Variants in ZBED4 observed in about 807,000 individuals in gnomAD.
ZBED4 encodes the protein zinc finger BED domain-containing protein 4.
A neutral mutation model predicts 15.5 loss-of-function variants in ZBED4; 4 were observed. The ratio of observed to expected loss-of-function variants is 0.26; its 90% CI spans 0.13 to 0.59. The LOEUF (loss-of-function observed/expected upper bound fraction) is 0.59. Among genes scored for constraint, ZBED4 ranks in the 20% least tolerant of loss-of-function variants. The pLI, the probability that ZBED4 is intolerant of heterozygous loss-of-function variation, is 0.90. For missense variants in ZBED4, 1,323 were observed against 1,461.8 expected (o/e 0.91, Z 1.55); for synonymous variants, 692 against 608.5 (o/e 1.14, Z -2.02).
At position 49,877,429 on chromosome 22, in the gene ZBED4, T is replaced by C. The variant is rs546893760; in HGVS notation, c.-329-5905T>C. On this transcript the variant is annotated intron_variant, in intron 1 of 1. Transcript: ENST00000216268. ...GCCTCAGCCTCCCAAGTAGCTATTATTACAGATATGTACCACCACACCTGG... is the reference window on the plus strand; with the variant it reads ...GCCTCAGCCTCCCAAGTAGCTATTACTACAGATATGTACCACCACACCTGG... 3.5e-4 allele frequency among the ~76,000 whole-genome samples: 54 copies of C among 152,150 alleles called. No homozygotes were observed. In the South Asian group the frequency reaches 9.1e-3, roughly 26 times the overall value.
In ZBED4 at chr22:49,885,704, T is replaced by C; in HGVS notation, c.2042T>C (p.Phe681Ser). 6.2e-7 allele frequency: 1 copy of C among 1,609,006 alleles called. No individual in the cohort carries two copies. The highest frequency in any genetic ancestry group is 8.5e-7 in the Non-Finnish European group (1 of 1,175,840). ...TATTCTTTTGTAGACAACGTTGGCT[T>C]TAACAGGCTGCTTGAATACTTGAAA... Reference protein sequence around the residue: ...QPYSFVDNVGFNRLLEYLKPQ... With the variant: ...QPYSFVDNVGSNRLLEYLKPQ... The change falls in exon 2 of 2, where the codon TTT (phenylalanine) becomes TCT (serine). Residue 681 changes from phenylalanine to serine, a missense_variant. Phe to Ser is a radical substitution (Grantham distance 155, BLOSUM62 -2). This residue lies in a region of ZBED4 where 89 missense variants were observed against 129.8 expected (regional missense o/e 0.69). Transcript: ENST00000216268.
Position 49,884,228 on chromosome 22 carries a change from T to A in ZBED4, c.566T>A (p.Leu189His), listed in dbSNP as rs778933183. Residue 189 changes from leucine to histidine, a missense_variant, in exon 2 of 2, where the codon CTT becomes CAT. Physicochemically the swap from Leu to His is moderately conservative, Grantham distance 99. Transcript: ENST00000216268. ...VSSFPSPSLL[L>H]PPQPADAGDL... is the part of the protein sequence containing the mutation. ...TCGTTCCCCTCTCCCTCACTCCTGC[T>A]TCCACCACAGCCTGCGGACGCGGGT... 4 of 1,602,726 alleles carry A rather than the reference T, an allele frequency of 2.5e-6. No homozygotes were observed. The South Asian group carries it at 4.5e-5, about 18-fold the overall frequency.
chr22:49,856,540 G>T (rs1416542981), intron 1 of ZBED4, among the ~76,000 whole-genome samples: 1 of 152,230 alleles, frequency 6.6e-6, no homozygotes, highest in Non-Finnish European at 1.5e-5. Context: ...CCTCCTGCCC[G>T]GCCCAAGCGC....
At chr22:49,869,922 C>T (rs905328985) in intron 1 of ZBED4, among the ~76,000 whole-genome samples, 2 of 152,198 alleles carry the variant, frequency 1.3e-5, no homozygotes, top group Non-Finnish European at 2.9e-5. Flanking sequence ...AGATCGTGAG[C>T]ATGGTACTCA....
intron 1 of ZBED4, among the ~76,000 whole-genome samples, chr22:49,864,585 G>A (rs2060311356): frequency 6.6e-6 from 1 of 152,176 alleles, no homozygotes. Context: ...GGGAGGTTGA[G>A]GTGGGAGGAT....
rs1332407140 is a variant in ZBED4, at chr22:49,889,839, C to T, written c.*2661C>T. 1.2e-5 allele frequency: 2 copies of T among 167,046 alleles called. No individual in the cohort carries two copies. Among genetic ancestry groups the T allele is most frequent in the African/African-American group, 2.4e-5 (1 of 41,440 alleles). The allele number at this position is 167,046 out of a possible 1,614,324, so 10.3% of individuals were successfully genotyped here. ...TTGATTCTTAGCCATTCCCACCTTGCCTCTCCGTTCAGAACCCCAGCTGCG... is the reference window on the plus strand; with the variant it reads ...TTGATTCTTAGCCATTCCCACCTTGTCTCTCCGTTCAGAACCCCAGCTGCG... On this transcript the variant is annotated 3_prime_UTR_variant, in exon 2 of 2. Coordinates refer to ENST00000216268, the MANE Select transcript of ZBED4 (RefSeq NM_014838.3).
chr22:49,856,461 G>C (rs1307845903), intron 1 of ZBED4, among the ~76,000 whole-genome samples: 1 of 152,222 alleles, frequency 6.6e-6, no homozygotes, highest in East Asian at 1.9e-4. Context: ...GTCTGGGGGC[G>C]ATGGCGGAAG....
intron 1 of ZBED4, among the ~76,000 whole-genome samples, chr22:49,878,951 T>G (rs192227188): frequency 6.6e-6 from 1 of 151,756 alleles, no homozygotes; most frequent in African/African-American, 2.4e-5. Context: ...GAGACCATCG[T>G]GGCCAACATG....
chr22:49,860,251 A>G (rs533316057), intron 1 of ZBED4, among the ~76,000 whole-genome samples: 14 of 152,304 alleles, frequency 9.2e-5, no homozygotes, highest in African/African-American at 2.6e-4. Flanking sequence ...GTAAGCTGCA[A>G]TGACGTCACT....
intron 1 of ZBED4, among the ~76,000 whole-genome samples, chr22:49,882,539 C>T (rs1036275049): frequency 1.3e-5 from 2 of 152,230 alleles, no homozygotes; most frequent in South Asian, 4.1e-4. Flanking sequence ...ACTGCTCCAT[C>T]TCCTACCCCA....
Position 49,887,194 on chromosome 22 carries a change from C to T in ZBED4, c.*16C>T, listed in dbSNP as rs1301509919. 8.2e-6 allele frequency: 13 copies of T among 1,593,184 alleles called. No individual in the cohort carries two copies. The South Asian group carries it at 1.0e-4, about 13-fold the overall frequency. ...TCAGTATTGAAACTCACGACGGCAC[C>T]ACTAGGCCAGAGGCGTGGCTGCCCC... On this transcript the variant is annotated 3_prime_UTR_variant, in exon 2 of 2. Coordinates refer to ENST00000216268, the MANE Select transcript of ZBED4 (RefSeq NM_014838.3).
intron 1 of ZBED4, among the ~76,000 whole-genome samples, chr22:49,873,302 C>G (rs968622816): frequency 6.6e-6 from 1 of 152,160 alleles, no homozygotes. Context: ...GAGGATTAAT[C>G]GGCCTAATTC....
chr22:49,887,284 A>G lies in ZBED4; in HGVS notation c.*106A>G, dbSNP rs2060445591. On this transcript the variant is annotated 3_prime_UTR_variant, in exon 2 of 2. Transcript: ENST00000216268. ...CCACGGCTGTGTACGACATCAGACC[A>G]GGCACTCTCAGGGCCGCTCTCCAGC... The G allele has an allele frequency of 3.3e-6, 4 of 1,205,662 alleles. No homozygotes were observed. Among genetic ancestry groups the G allele is most frequent in the Non-Finnish European group, 3.5e-6 (3 of 861,874 alleles). 74.7% of individuals were successfully genotyped at this position (1,205,662 alleles called of 1,614,324 possible).
intron 1 of ZBED4, among the ~76,000 whole-genome samples, chr22:49,858,543 G>A (rs190611667): frequency 8.5e-5 from 13 of 152,242 alleles, no homozygotes; most frequent in Non-Finnish European, 1.5e-4. Flanking sequence ...GCACTCCTAC[G>A]TCCCTTGCCC....
intron 1 of ZBED4, among the ~76,000 whole-genome samples, chr22:49,859,693 T>C (rs1394951357): frequency 6.6e-6 from 1 of 152,258 alleles, no homozygotes; most frequent in African/African-American, 2.4e-5. Context: ...GTTCAGTCAA[T>C]TTGAATTATA....
At chr22:49,878,988 CA>C (rs2060392844) in intron 1 of ZBED4, among the ~76,000 whole-genome samples, 1 of 150,962 alleles carries the variant, frequency 6.6e-6, no homozygotes, top group Admixed American at 6.6e-5. Flanking sequence ...ACTAAAAATA[CA>C]AAAAAATTAG....
At position 49,885,424 on chromosome 22, in the gene ZBED4, C is replaced by G; in HGVS notation, c.1762C>G (p.Arg588Gly). The G allele has an allele frequency of 1.9e-6, 3 of 1,608,608 alleles. No homozygotes were observed. The highest frequency in any genetic ancestry group is 2.6e-6 in the Non-Finnish European group (3 of 1,175,426). The change falls in exon 2 of 2, where the codon CGG becomes GGG. Residue 588 changes from arginine to glycine, a missense_variant. Arg to Gly is a moderately radical substitution (Grantham distance 125). This residue lies in a region of ZBED4 where 429 missense variants were observed against 397.9 expected (regional missense o/e 1.08). Coordinates refer to ENST00000216268, the MANE Select transcript of ZBED4 (RefSeq NM_014838.3). ...VCLHCGRTISRGKKPTNLGTS... is the reference protein window; with the variant it reads ...VCLHCGRTISGGKKPTNLGTS... Reference sequence around the variant, plus strand: ...CTTGCACTGTGGCCGGACCATCAGCCGGGGGAAGAAGCCGACTAACTTGGG... The same window carrying G: ...CTTGCACTGTGGCCGGACCATCAGCGGGGGGAAGAAGCCGACTAACTTGGG...
At chr22:49,880,919 T>G (rs2060405854) in intron 1 of ZBED4, among the ~76,000 whole-genome samples, 1 of 152,254 alleles carries the variant, frequency 6.6e-6, no homozygotes, top group Non-Finnish European at 1.5e-5. Context: ...TTTGCAGCTT[T>G]CAGTATACAG....
chr22:49,855,837 C>G (rs1201630430), intron 1 of ZBED4, among the ~76,000 whole-genome samples: 1 of 152,200 alleles, frequency 6.6e-6, no homozygotes, highest in African/African-American at 2.4e-5. Context: ...CCTTCCTTAC[C>G]AACGTTGTTT....
Sources: gnomAD v4.1 joint callset for allele counts (sites outside exome capture counted in the v4.1 genomes callset) on GRCh38, gnomAD v4.1.1 for gene constraint, gnomAD v4.1.1 regional missense constraint, MANE v1.5 for transcripts, NCBI Gene and HGNC (gene_info 2026-07-23, HGNC 2026-07-21) for gene names.